ZSWIM5: variants seen among roughly 807,000 people sequenced by gnomAD.
ZSWIM5 encodes the protein zinc finger SWIM-type containing 5.
In ZSWIM5, 55 loss-of-function variants were observed where a neutral mutation model predicts 119.6. The observed-to-expected ratio is 0.46, with a 90% CI of 0.37 to 0.58. ZSWIM5 has a LOEUF of 0.58. Ranked by LOEUF, ZSWIM5 falls within the 20% of genes least tolerant of loss-of-function variation. ZSWIM5 has a pLI of 0.00. For synonymous variants in ZSWIM5, 537 were observed against 606.9 expected (o/e 0.88, Z 1.69); for missense variants, 1,193 against 1,512.8 (o/e 0.79, Z 3.51).
chr1:45,183,770 C>G (rs1378272853), intron 1 of ZSWIM5, among the ~76,000 whole-genome samples: 1 of 152,078 alleles, frequency 6.6e-6, no homozygotes, highest in Non-Finnish European at 1.5e-5. Flanking sequence ...GCTTACCAAC[C>G]AAAAAGAGTC....
chr1:45,042,433 A>T, intron 6 of ZSWIM5, among the ~76,000 whole-genome samples: 1 of 152,204 alleles, frequency 6.6e-6, no homozygotes, highest in East Asian at 1.9e-4. Context: ...AGGAGAAGAA[A>T]GATGATCAGA....
chr1:45,071,824 A>G (rs1645223989), intron 2 of ZSWIM5, among the ~76,000 whole-genome samples: 1 of 152,030 alleles, frequency 6.6e-6, no homozygotes, highest in Non-Finnish European at 1.5e-5. Context: ...TTCTTTATCC[A>G]TTCGTCTGCT....
At chr1:45,081,510 G>A (rs944662091) in intron 2 of ZSWIM5, among the ~76,000 whole-genome samples, 1 of 152,216 alleles carries the variant, frequency 6.6e-6, no homozygotes, top group African/African-American at 2.4e-5. Context: ...ACGGGGTTTC[G>A]CTGTGTTGGC....
intron 1 of ZSWIM5, among the ~76,000 whole-genome samples, chr1:45,139,391 C>T (rs898186429): frequency 2.0e-5 from 3 of 147,782 alleles, no homozygotes; most frequent in African/African-American, 7.5e-5. Context: ...TCTCTCTCCT[C>T]CTCCCTCCCT....
At chr1:45,049,503 AAT>A (rs1225495497) in intron 5 of ZSWIM5, among the ~76,000 whole-genome samples, 1 of 152,104 alleles carries the variant, frequency 6.6e-6, no homozygotes, top group Non-Finnish European at 1.5e-5. Context: ...ACAAAGAACC[AAT>A]ATATTATGAC....
chr1:45,128,949 T>C (rs1476438993), intron 1 of ZSWIM5, among the ~76,000 whole-genome samples: 5 of 152,192 alleles, frequency 3.3e-5, no homozygotes, highest in African/African-American at 1.2e-4. Flanking sequence ...AGTTCCTGCA[T>C]GTCTTCTCAT....
At chr1:45,118,656 C>A (rs2149026822) in intron 1 of ZSWIM5, among the ~76,000 whole-genome samples, 1 of 149,962 alleles carries the variant, frequency 6.7e-6, no homozygotes, top group South Asian at 2.1e-4. Context: ...GTGGTAGGAT[C>A]ACCTGAGCCT....
intron 1 of ZSWIM5, among the ~76,000 whole-genome samples, chr1:45,154,194 A>G (rs1360526375): frequency 6.6e-6 from 1 of 152,166 alleles, no homozygotes; most frequent in Non-Finnish European, 1.5e-5. Context: ...TATAAATTCA[A>G]TGCAATTCCC....
chr1:45,175,274 C>T (rs1390657174), intron 1 of ZSWIM5, among the ~76,000 whole-genome samples: 3 of 152,070 alleles, frequency 2.0e-5, no homozygotes, highest in Non-Finnish European at 4.4e-5. Context: ...TCAAATGGCA[C>T]ACAATTTTGA....
chr1:45,096,056 T>C (rs1354729185), intron 1 of ZSWIM5, among the ~76,000 whole-genome samples: 3 of 152,166 alleles, frequency 2.0e-5, no homozygotes, highest in Admixed American at 1.3e-4. Flanking sequence ...ACTCCTTCAT[T>C]CACATTTTCC....
At chr1:45,121,071 T>C (rs1645588826) in intron 1 of ZSWIM5, among the ~76,000 whole-genome samples, 1 of 152,072 alleles carries the variant, frequency 6.6e-6, no homozygotes. Flanking sequence ...TGCCTTAGCC[T>C]CCCGAGTAGC....
At chr1:45,059,981 C>T in intron 3 of ZSWIM5, 118 bp downstream of exon 3, 1 of 1,274,712 alleles carries the variant, frequency 7.8e-7, no homozygotes, top group Non-Finnish European at 1.1e-6. Context: ...TTCAAGTATT[C>T]AGTTCAGCTA....
chr1:45,157,038 C>T (rs1645830908), intron 1 of ZSWIM5, among the ~76,000 whole-genome samples: 1 of 152,080 alleles, frequency 6.6e-6, no homozygotes, highest in Non-Finnish European at 1.5e-5. Flanking sequence ...TTCCCTCATG[C>T]CCTTGTCAAT....
chr1:45,020,218 T>C, intron 12 of ZSWIM5, 71 bp from the exon 13 acceptor site: 2 of 1,242,364 alleles, frequency 1.6e-6, no homozygotes, highest in African/African-American at 1.5e-5. Context: ...CTTGCATTCA[T>C]TTATGCGACA....
At chr1:45,152,738 A>T (rs1426471896) in intron 1 of ZSWIM5, among the ~76,000 whole-genome samples, 1 of 152,136 alleles carries the variant, frequency 6.6e-6, no homozygotes, top group East Asian at 1.9e-4. Flanking sequence ...TGCAACAAAA[A>T]CAAAAATTGG....
intron 1 of ZSWIM5, among the ~76,000 whole-genome samples, chr1:45,186,417 A>T (rs1570198348): frequency 1.3e-5 from 2 of 151,734 alleles, no homozygotes; most frequent in South Asian, 4.1e-4. Flanking sequence ...TAAAAAAAGA[A>T]AAAATAATAA....
In ZSWIM5 at chr1:45,200,178, A is replaced by G. The variant is rs543946247; in HGVS notation, c.595+5578T>C. Among the ~76,000 whole-genome samples the G allele has an allele frequency of 5.9e-5, 9 of 152,334 alleles. No individual in the cohort carries two copies. The East Asian group carries it at 1.7e-3, about 29-fold the overall frequency. Reference sequence around the variant, plus strand: ...CAACTTAGGACAAACCACATTATACATCCTAAGGGGGAGAACAATTACACT... The same window carrying G: ...CAACTTAGGACAAACCACATTATACGTCCTAAGGGGGAGAACAATTACACT... On this transcript the variant is annotated intron_variant, in intron 1 of 13. Coordinates refer to ENST00000359600, the MANE Select transcript of ZSWIM5 (RefSeq NM_020883.2).
chr1:45,168,422 T>C (rs1645923007), intron 1 of ZSWIM5, among the ~76,000 whole-genome samples: 1 of 151,878 alleles, frequency 6.6e-6, no homozygotes, highest in African/African-American at 2.4e-5. Context: ...ATGGCACATG[T>C]ATACATATGT....
intron 5 of ZSWIM5, among the ~76,000 whole-genome samples, chr1:45,048,079 TCTC>T (rs1557747962): frequency 7.7e-5 from 9 of 117,204 alleles, no homozygotes; most frequent in African/African-American, 2.3e-4. Context: ...CCTTTTCTTT[TCTC>T]TTTTTTTTTT....
Sources: allele counts gnomAD v4.1 joint callset (sites outside exome capture counted in the v4.1 genomes callset), GRCh38; gene constraint gnomAD v4.1.1; transcripts MANE v1.5; gene names NCBI Gene and HGNC (gene_info 2026-07-23, HGNC 2026-07-21).